HEMK2: variants seen among roughly 807,000 people sequenced by gnomAD.
The protein encoded by HEMK2 is methyltransferase HEMK2.
chr21:28,831,550 GGAAAGAAGGAAAGAAGGAAAGAAA>G, the HEMK2 span, among the ~76,000 whole-genome samples: 211 of 65,988 alleles, frequency 3.2e-3, 6 homozygotes, highest in Middle Eastern at 9.1e-3. Flanking sequence ...AAGGAAAGAA[GGAAAGAAGGAAAGAAGGAAAGAAA>G]GAAAGAAGGA....
chr21:28,648,396 G>A, the HEMK2 span, among the ~76,000 whole-genome samples: 1 of 152,160 alleles, frequency 6.6e-6, no homozygotes, highest in African/African-American at 2.4e-5. Context: ...TGGCAATAGA[G>A]CTGTGTGATC....
the HEMK2 span, among the ~76,000 whole-genome samples, chr21:28,715,431 T>C: frequency 1.3e-5 from 2 of 152,166 alleles, no homozygotes; most frequent in African/African-American, 2.4e-5. Flanking sequence ...TGTTGGCCAC[T>C]TGTATACCTC....
At chr21:28,859,176 C>T in the HEMK2 span, among the ~76,000 whole-genome samples, 1 of 152,130 alleles carries the variant, frequency 6.6e-6, no homozygotes, top group Admixed American at 6.5e-5. Context: ...GTGTGTATCT[C>T]GTCTCATCAG....
the HEMK2 span, among the ~76,000 whole-genome samples, chr21:28,687,508 A>G: frequency 3.3e-5 from 5 of 152,226 alleles, no homozygotes; most frequent in African/African-American, 1.2e-4. Flanking sequence ...AAAAAAGAGA[A>G]AGTATGATGT....
the HEMK2 span, among the ~76,000 whole-genome samples, chr21:28,838,962 AAAAAAAAAAAATATAT>A: frequency 1.8e-5 from 1 of 56,158 alleles, no homozygotes; most frequent in African/African-American, 7.3e-5. Flanking sequence ...AAAAAAAAAA[AAAAAAAAAAAATATAT>A]ATATATATAT....
the HEMK2 span, among the ~76,000 whole-genome samples, chr21:28,799,411 A>C: frequency 1.9e-4 from 29 of 152,318 alleles, no homozygotes; most frequent in African/African-American, 3.1e-4. Flanking sequence ...GGTCCCTCCC[A>C]CAACATGTAG....
At chr21:28,652,656 C>CTAA in the HEMK2 span, among the ~76,000 whole-genome samples, 1 of 152,182 alleles carries the variant, frequency 6.6e-6, no homozygotes, top group Non-Finnish European at 1.5e-5. Context: ...CTGAAACCCA[C>CTAA]TTTACCCTTT....
chr21:28,621,460 T>A, the HEMK2 span, among the ~76,000 whole-genome samples: 1 of 152,214 alleles, frequency 6.6e-6, no homozygotes, highest in Admixed American at 6.5e-5. Context: ...AGTTATCTCG[T>A]CTTGTTGCTG....
chr21:28,719,232 T>A, the HEMK2 span, among the ~76,000 whole-genome samples: 22 of 152,202 alleles, frequency 1.4e-4, no homozygotes, highest in Admixed American at 7.9e-4. Flanking sequence ...ATTGCTCATT[T>A]TCTGGCTCTG....
chr21:28,608,656 G>C, the HEMK2 span, among the ~76,000 whole-genome samples: 2 of 152,212 alleles, frequency 1.3e-5, no homozygotes, highest in Non-Finnish European at 2.9e-5. Flanking sequence ...GTAGCCTTGA[G>C]TAAGTTCTCA....
chr21:28,820,599 C>T, the HEMK2 span, among the ~76,000 whole-genome samples: 8 of 152,280 alleles, frequency 5.3e-5, no homozygotes, highest in African/African-American at 1.9e-4. Context: ...ACACCTGTAT[C>T]CCATTGGAAT....
At chr21:28,711,927 G>A in the HEMK2 span, among the ~76,000 whole-genome samples, 1 of 152,100 alleles carries the variant, frequency 6.6e-6, no homozygotes, top group African/African-American at 2.4e-5. Flanking sequence ...CAGAAAAGAG[G>A]GTGAGGCAAC....
the HEMK2 span, among the ~76,000 whole-genome samples, chr21:28,666,718 T>C: frequency 6.6e-6 from 1 of 152,156 alleles, no homozygotes; most frequent in East Asian, 1.9e-4. Context: ...TTAGCAGCTT[T>C]TTTGGAATTA....
chr21:28,877,289 GAAGGAAGGAAGA>G, the HEMK2 span, among the ~76,000 whole-genome samples: 1 of 93,316 alleles, frequency 1.1e-5, no homozygotes, highest in East Asian at 2.6e-4. Context: ...AGGAAGGAAG[GAAGGAAGGAAGA>G]GAGAGAGAAA....
At chr21:28,798,119 T>C in the HEMK2 span, among the ~76,000 whole-genome samples, 1 of 152,160 alleles carries the variant, frequency 6.6e-6, no homozygotes, top group East Asian at 1.9e-4. Context: ...CTTCTCTCCT[T>C]CGTTCATCAA....
At chr21:28,738,080 C>T in the HEMK2 span, among the ~76,000 whole-genome samples, 1 of 152,126 alleles carries the variant, frequency 6.6e-6, no homozygotes, top group Admixed American at 6.5e-5. Flanking sequence ...AAGTGGAGAG[C>T]TCAGAATAGC....
At chr21:28,590,429 GAAT>G in the HEMK2 span, among the ~76,000 whole-genome samples, 2 of 152,080 alleles carry the variant, frequency 1.3e-5, no homozygotes, top group African/African-American at 4.8e-5. Flanking sequence ...AAAAAAAACT[GAAT>G]AAAGCTAAAA....
At chr21:28,708,677 C>CA in the HEMK2 span, among the ~76,000 whole-genome samples, 2 of 151,632 alleles carry the variant, frequency 1.3e-5, no homozygotes, top group Non-Finnish European at 2.9e-5. Context: ...TAGGTAATAG[C>CA]AAAAAAGGGT....
At chr21:28,667,580 AT>A in the HEMK2 span, among the ~76,000 whole-genome samples, 26 of 91,648 alleles carry the variant, frequency 2.8e-4, no homozygotes, top group Admixed American at 3.5e-4. Context: ...ATTATTTCAC[AT>A]TGCATCATTG....
Sources: allele counts gnomAD v4.1 joint callset (sites outside exome capture counted in the v4.1 genomes callset), GRCh38; gene constraint gnomAD v4.1.1; transcripts MANE v1.5; gene names NCBI Gene and HGNC (gene_info 2026-07-23, HGNC 2026-07-21).